PLA2G6: variants seen among roughly 807,000 people sequenced by gnomAD.
PLA2G6 encodes 85/88 kDa calcium-independent phospholipase A2.
A neutral mutation model predicts 83.8 loss-of-function variants in PLA2G6; 62 were observed. That is an observed-to-expected ratio of 0.74 (90% CI 0.60 to 0.91). The LOEUF is 0.91. PLA2G6 is among the 40% of genes least tolerant of loss of function. The pLI is 0.00. For synonymous variants in PLA2G6, 417 were observed against 449.8 expected, an observed-to-expected ratio of 0.93 and a Z score of 0.92; for missense variants, 944 against 1,102.0, an observed-to-expected ratio of 0.86 and a Z score of 2.03.
chr22:38,171,925 G>A (rs1381798779), intron 1 of PLA2G6, among the ~76,000 whole-genome samples: 1 of 152,172 alleles, frequency 6.6e-6, no homozygotes, highest in East Asian at 1.9e-4. Flanking sequence ...GCCTCTCAAA[G>A]TGCTGGGATT....
chr22:38,135,052 C>A lies in PLA2G6; in HGVS notation c.830G>T (p.Ser277Ile), dbSNP rs776222393. 6.4e-7 allele frequency: 1 copy of A among 1,574,486 alleles called. No individual in the cohort carries two copies. The highest frequency in any genetic ancestry group is 1.1e-5 in the South Asian group (1 of 90,610). ...ACGGGGGTCTTTGCTGTGGATCTGG[C>A]TGCTGTCCATGCTGATGATCATCTC... ...CAEMIISMDS[S>I]QIHSKDPRYG... Residue 277 changes from serine (S) to isoleucine (I), a missense_variant, in exon 6 of 17, where the codon AGC becomes ATC. By Grantham distance (142) the Ser-to-Ile change is moderately radical. Coordinates refer to ENST00000332509, the MANE Select transcript of PLA2G6 (RefSeq NM_003560.4).
At chr22:38,135,638 C>T (rs9610904) in intron 5 of PLA2G6, 382 of 153,186 alleles carry the variant, frequency 2.5e-3, no homozygotes, top group Admixed American at 4.7e-3. Context: ...AGCCTCAGAG[C>T]AGAGGCCCCG....
At chr22:38,144,330 C>A (rs1033929750) in intron 3 of PLA2G6, 1 of 152,366 alleles carries the variant, frequency 6.6e-6, no homozygotes, top group Non-Finnish European at 1.5e-5. Flanking sequence ...TTAGCTCTCT[C>A]TAGAATGATG....
At chr22:38,126,961 C>G in intron 9 of PLA2G6, 1 of 1,042,038 alleles carries the variant, frequency 9.6e-7, no homozygotes, top group Non-Finnish European at 1.2e-6. Flanking sequence ...AAGGAGACAT[C>G]CCTCGTCCTG....
Position 38,126,337 on chromosome 22 carries a change from T to C in PLA2G6, c.1427+34A>G, listed in dbSNP as rs200201397. 1,678 of 1,545,270 alleles carry C rather than the reference T, an allele frequency of 1.1e-3. 2 individuals carry two copies. Among genetic ancestry groups the C allele is most frequent in the Non-Finnish European group, 1.4e-3 (1,529 of 1,117,892 alleles). ...GGTGAGGGGCAGGAAAGCGCACACGTTCCCCGCTCTGCCCCCGATCTCGAT... is the reference window on the plus strand; with the variant it reads ...GGTGAGGGGCAGGAAAGCGCACACGCTCCCCGCTCTGCCCCCGATCTCGAT... On this transcript the variant is annotated intron_variant, in intron 10 of 16. Transcript: ENST00000332509.
At position 38,170,195 on chromosome 22, in the gene PLA2G6, C is replaced by CA. The variant is rs132990; in HGVS notation, c.-45-725dup. ...CCTGGGCGATAGGGTGACTCTGTCT[C>CA]AAAAAAAAAAAAAAAAAAAGAGGCC... On this transcript the variant is annotated intron_variant, in intron 1 of 16. Coordinates refer to ENST00000332509, the MANE Select transcript of PLA2G6 (RefSeq NM_003560.4). Among the ~76,000 whole-genome samples the CA allele has an allele frequency of 9.5e-3, 718 of 75,344 alleles. 6 individuals carry two copies. Among genetic ancestry groups the CA allele is most frequent in the African/African-American group, 0.022 (505 of 22,524 alleles). The allele number at this position is 75,344 out of a possible 152,430, so 49.4% of individuals were successfully genotyped here. A position where few individuals can be genotyped will look rare whatever the true frequency, so the allele number is the denominator to read the frequency against.
chr22:38,176,077 C>T (rs117055841), intron 1 of PLA2G6, among the ~76,000 whole-genome samples: 5 of 152,322 alleles, frequency 3.3e-5, no homozygotes, highest in Non-Finnish European at 5.9e-5. Context: ...CAGTAGCTAA[C>T]GGCCCACAAG....
intron 11 of PLA2G6, among the ~76,000 whole-genome samples, chr22:38,121,828 C>G (rs2087544793): frequency 6.6e-6 from 1 of 152,142 alleles, no homozygotes; most frequent in Non-Finnish European, 1.5e-5. Context: ...GCCCTTGGAC[C>G]CTGTGGAAGA....
Position 38,113,649 on chromosome 22 carries a change from C to T in PLA2G6, c.2040G>A (p.Gln680=). The T allele has an allele frequency of 6.2e-7, 1 of 1,613,698 alleles. No homozygotes were observed. The highest frequency in any genetic ancestry group is 8.5e-7 in the Non-Finnish European group (1 of 1,180,008). Residue 680 remains glutamine (Q), a synonymous_variant, in exon 15 of 17, where the codon CAG becomes CAA. Transcript: ENST00000332509. ...EYNQDLIRKG[Q]ANKVKKLSIV... ...TGGAGAGTTTCTTCACCTTGTTGGC[C>T]TGACCCTGTTGGGAACAGGACAGGG...
At chr22:38,180,100 A>G (rs2145979672) in intron 1 of PLA2G6, among the ~76,000 whole-genome samples, 1 of 150,538 alleles carries the variant, frequency 6.6e-6, no homozygotes, top group South Asian at 2.1e-4. Flanking sequence ...CTCCTTGCCT[A>G]CCTACTTCCC....
In PLA2G6 at chr22:38,132,836, T is replaced by G; in HGVS notation, c.1072A>C (p.Met358Leu). The G allele has an allele frequency of 6.5e-7, 1 of 1,546,630 alleles. No homozygotes were observed. The highest frequency in any genetic ancestry group is 8.7e-7 in the Non-Finnish European group (1 of 1,147,566). The change falls in exon 7 of 17, where the codon ATG becomes CTG. Residue 358 changes from methionine to leucine, a missense_variant. By Grantham distance (15) the Met-to-Leu change is conservative (BLOSUM62 2). Coordinates refer to ENST00000332509, the MANE Select transcript of PLA2G6 (RefSeq NM_003560.4). This position sits in a 1 kb window ranked among gnomAD's most constrained non-coding sequence, Gnocchi z 5.0. Reference sequence around the variant, plus strand: ...ACACGCGGTCCTGGGCTCACCGACATGGCCAGGTGCAGCGGGGTGTTGCCG... The same window carrying G: ...ACACGCGGTCCTGGGCTCACCGACAGGGCCAGGTGCAGCGGGGTGTTGCCG... ...EHGNTPLHLA[M>L]SKDNVEMIKA...
At chr22:38,133,405 G>A (rs1049932230) in intron 6 of PLA2G6, 17 of 242,292 alleles carry the variant, frequency 7.0e-5, no homozygotes, top group African/African-American at 1.3e-4. Flanking sequence ...ATCCCTGGCA[G>A]AGCCTTGGGA....
At chr22:38,118,982 G>A (rs963570419) in intron 12 of PLA2G6, among the ~76,000 whole-genome samples, 43 of 152,066 alleles carry the variant, frequency 2.8e-4, no homozygotes, top group Middle Eastern at 3.4e-3. Context: ...GGCTGGTCTC[G>A]ACCTCCTGGC....
In PLA2G6 at chr22:38,112,191, C is replaced by G; in HGVS notation, c.2391G>C (p.Gln797His). Reference protein sequence around the residue: ...VYIYEHREEFQKLIQLLLSP With the variant: ...VYIYEHREEFHKLIQLLLSP ...GTGAGAGCAGCAGCTGGATGAGCTT[C>G]TGGAACTCCTCGCGGTGCTCATAGA... The change falls in exon 17 of 17, where the codon CAG becomes CAC. Residue 797 changes from glutamine (Q) to histidine (H), a missense_variant. Transcript: ENST00000332509. 6.3e-7 allele frequency: 1 copy of G among 1,599,538 alleles called. No homozygotes were observed. Among genetic ancestry groups the G allele is most frequent in the Non-Finnish European group, 8.5e-7 (1 of 1,173,568 alleles).
At chr22:38,139,437 T>G (rs1319899342) in intron 5 of PLA2G6, 3 of 151,524 alleles carry the variant, frequency 2.0e-5, no homozygotes, top group Admixed American at 2.0e-4. Context: ...ATTTATTTAT[T>G]TATTTATTTA....
At position 38,140,172 on chromosome 22, in the gene PLA2G6, G is replaced by A; in HGVS notation, c.610-3C>T. ...GCCACTGCGTTCCTTCCAAGGAGCT[G>A]ATGAAAGAGGAAGGGAAGTTTGACT... On this transcript the variant is annotated splice_region_variant and splice_polypyrimidine_tract_variant and intron_variant, in intron 4 of 16. Coordinates refer to ENST00000332509, the MANE Select transcript of PLA2G6 (RefSeq NM_003560.4). The A allele has an allele frequency of 1.2e-6, 2 of 1,613,874 alleles. No individual in the cohort carries two copies. Among genetic ancestry groups the A allele is most frequent in the Non-Finnish European group, 1.7e-6 (2 of 1,179,846 alleles).
At chr22:38,160,812 T>G (rs1332672156) in intron 2 of PLA2G6, among the ~76,000 whole-genome samples, 3 of 151,680 alleles carry the variant, frequency 2.0e-5, no homozygotes, top group Non-Finnish European at 4.4e-5. Context: ...GCCACCGCAC[T>G]CCAACCTGGG....
chr22:38,152,090 G>T (rs758380601), intron 2 of PLA2G6, among the ~76,000 whole-genome samples: 7 of 152,172 alleles, frequency 4.6e-5, no homozygotes, highest in Non-Finnish European at 5.9e-5. Context: ...GGAGGTGGGG[G>T]GCTAATGGGA....
At position 38,112,547 on chromosome 22, in the gene PLA2G6, G is replaced by A. The variant is rs587784350; in HGVS notation, c.2233C>T (p.Arg745Trp). 7 of 1,553,926 alleles carry A rather than the reference G, an allele frequency of 4.5e-6. No individual in the cohort carries two copies. The East Asian group carries it at 7.3e-5, about 16-fold the overall frequency. ...ACCATCTCGCACCAGGCCCGTGCCC[G>A]GTCCACAGCCCGCCCGTCTGGATCC... ...CTDPDGRAVD[R>W]ARAWCEMVGI... The change falls in exon 16 of 17, where the codon CGG becomes TGG. Residue 745 changes from arginine (R) to tryptophan (W), a missense_variant. Transcript: ENST00000332509.
Sources: allele counts gnomAD v4.1 joint callset (sites outside exome capture counted in the v4.1 genomes callset), GRCh38; gene constraint gnomAD v4.1.1; non-coding constraint Gnocchi (gnomAD v3.1); transcripts MANE v1.5; gene names NCBI Gene and HGNC (gene_info 2026-07-23, HGNC 2026-07-21).